The following GRID1 variants were observed in gnomAD, a reference collection of about 807,000 sequenced individuals.
GRID1 encodes glutamate ionotropic receptor delta type subunit 1.
In GRID1, 28 loss-of-function variants were observed where a neutral mutation model predicts 98.0. The observed-to-expected ratio is 0.29, with a 90% CI of 0.21 to 0.39. The LOEUF is 0.39. GRID1 is among the 10% of genes least tolerant of loss of function. The pLI, the probability that GRID1 is intolerant of heterozygous loss-of-function variation, is 1.00. For synonymous variants in GRID1, 553 were observed against 538.5 expected (o/e 1.03, Z -0.37); for missense variants, 1,111 against 1,340.5 (o/e 0.83, Z 2.67).
At chr10:85,890,659 G>A (rs946558049) in intron 5 of GRID1, among the ~76,000 whole-genome samples, 4 of 152,070 alleles carry the variant, frequency 2.6e-5, no homozygotes, top group South Asian at 4.1e-4. Flanking sequence ...GCTCTTCCAC[G>A]GTGAGGTAAA....
At chr10:85,847,902 C>G (rs1450285426) in intron 8 of GRID1, among the ~76,000 whole-genome samples, 1 of 152,070 alleles carries the variant, frequency 6.6e-6, no homozygotes, top group Non-Finnish European at 1.5e-5. Flanking sequence ...CAAAGGCAAA[C>G]TATTTATTGG....
chr10:86,225,437 C>T lies in GRID1; in HGVS notation c.236-18789G>A, dbSNP rs574739996. ...AATATTTATAGCGTTTAAGCATAATCGTATTCAGATGAGGACTATATATTG... is the reference window on the plus strand; with the variant it reads ...AATATTTATAGCGTTTAAGCATAATTGTATTCAGATGAGGACTATATATTG... On this transcript the variant is annotated intron_variant, in intron 2 of 15. Coordinates refer to ENST00000327946, the MANE Select transcript of GRID1 (RefSeq NM_017551.3). Among the ~76,000 whole-genome samples, 5 of 152,302 alleles carry T rather than the reference C, an allele frequency of 3.3e-5. No individual in the cohort carries two copies. The East Asian group carries it at 5.8e-4, about 18-fold the overall frequency.
chr10:86,307,316 T>C lies in GRID1; in HGVS notation c.235+56625A>G, dbSNP rs188261137. ...GCCTAAGTGGCCATCAATGAGCGAA[T>C]GGATAAAGAAAATGTGGTATACATA... On this transcript the variant is annotated intron_variant, in intron 2 of 15. Transcript: ENST00000327946. Among the ~76,000 whole-genome samples, 629 of 152,248 alleles carry C rather than the reference T, an allele frequency of 4.1e-3. 1 individual carries two copies. Among genetic ancestry groups the C allele is most frequent in the Middle Eastern group, 6.8e-3 (2 of 294 alleles).
At chr10:86,093,450 A>G (rs1304820624) in intron 4 of GRID1, among the ~76,000 whole-genome samples, 1 of 152,150 alleles carries the variant, frequency 6.6e-6, no homozygotes, top group Non-Finnish European at 1.5e-5. Flanking sequence ...TAAAATTAAT[A>G]GACCATTAGC....
intron 8 of GRID1, among the ~76,000 whole-genome samples, chr10:85,807,459 G>A (rs1232080598): frequency 2.0e-5 from 3 of 151,962 alleles, no homozygotes; most frequent in Non-Finnish European, 4.4e-5. Context: ...ACGAATATAT[G>A]AAAGATAATC....
At chr10:85,736,146 A>T (rs1056534391) in intron 8 of GRID1, among the ~76,000 whole-genome samples, 1 of 140,140 alleles carries the variant, frequency 7.1e-6, no homozygotes, top group Admixed American at 7.1e-5. Context: ...GGAGAGAAGG[A>T]AGGAAGGAGG....
chr10:85,673,626 C>T (rs1841111995), intron 12 of GRID1, among the ~76,000 whole-genome samples: 1 of 152,170 alleles, frequency 6.6e-6, no homozygotes, highest in Admixed American at 6.5e-5. Flanking sequence ...GGGGTTAGTA[C>T]TTTTGAGCAT....
chr10:86,321,366 C>A (rs1272585858), intron 2 of GRID1, among the ~76,000 whole-genome samples: 1 of 152,098 alleles, frequency 6.6e-6, no homozygotes, highest in Admixed American at 6.5e-5. Flanking sequence ...TCACATTCTG[C>A]CTCTTCCCAA....
At chr10:85,789,071 G>T (rs1842455370) in intron 8 of GRID1, among the ~76,000 whole-genome samples, 1 of 152,166 alleles carries the variant, frequency 6.6e-6, no homozygotes, top group Non-Finnish European at 1.5e-5. Context: ...TCTGTAAACT[G>T]TCAGAAATCC....
intron 15 of GRID1, among the ~76,000 whole-genome samples, chr10:85,610,035 G>A (rs1203323913): frequency 1.3e-5 from 2 of 152,136 alleles, no homozygotes; most frequent in South Asian, 2.1e-4. Flanking sequence ...AAACTGTGAC[G>A]ACATCCTAGA....
chr10:85,902,190 T>C lies in GRID1; in HGVS notation c.780+13996A>G, dbSNP rs1441013091. 7.2e-5 allele frequency among the ~76,000 whole-genome samples: 11 copies of C among 152,328 alleles called. No individual in the cohort carries two copies. In the East Asian group the frequency reaches 1.9e-3, roughly 27 times the overall value. On this transcript the variant is annotated intron_variant, in intron 5 of 15. Coordinates refer to ENST00000327946, the MANE Select transcript of GRID1 (RefSeq NM_017551.3). ...AGTGGATGCCTGAAACTGCAGATAG[T>C]ACCAAACCCTATATATACTATAGTT...
intron 4 of GRID1, among the ~76,000 whole-genome samples, chr10:85,980,375 G>A (rs1468484239): frequency 6.6e-6 from 1 of 152,262 alleles, no homozygotes; most frequent in Non-Finnish European, 1.5e-5. Flanking sequence ...TTATCCTGCA[G>A]TAGGAGTTTT....
At chr10:86,108,642 A>T (rs1218786776) in intron 4 of GRID1, among the ~76,000 whole-genome samples, 1 of 151,618 alleles carries the variant, frequency 6.6e-6, no homozygotes, top group Non-Finnish European at 1.5e-5. Flanking sequence ...CCAGCACCAG[A>T]CTCTGCTCTG....
chr10:85,776,354 C>T (rs1360826861), intron 8 of GRID1, among the ~76,000 whole-genome samples: 1 of 152,134 alleles, frequency 6.6e-6, no homozygotes, highest in Non-Finnish European at 1.5e-5. Flanking sequence ...CTTTCCACAA[C>T]AAAGAACGTA....
intron 4 of GRID1, among the ~76,000 whole-genome samples, chr10:86,096,098 T>A (rs967099676): frequency 6.6e-6 from 1 of 152,094 alleles, no homozygotes; most frequent in South Asian, 2.1e-4. Context: ...AATTCAGAAA[T>A]GGAAAACCAA....
chr10:86,039,998 T>A (rs1299921296), intron 4 of GRID1, among the ~76,000 whole-genome samples: 1 of 151,902 alleles, frequency 6.6e-6, no homozygotes, highest in East Asian at 1.9e-4. Flanking sequence ...GGAGGAGAGG[T>A]CTGAGTCTTT....
At chr10:86,332,749 A>G (rs1848165588) in intron 2 of GRID1, among the ~76,000 whole-genome samples, 1 of 149,880 alleles carries the variant, frequency 6.7e-6, no homozygotes, top group Admixed American at 6.6e-5. Context: ...CATGGTCTAC[A>G]CCGACCTCAC....
chr10:85,789,964 T>A (rs1256806488), intron 8 of GRID1, among the ~76,000 whole-genome samples: 1 of 152,214 alleles, frequency 6.6e-6, no homozygotes, highest in Non-Finnish European at 1.5e-5. Flanking sequence ...GCTCTTGGCA[T>A]CCACACCTGC....
intron 12 of GRID1, among the ~76,000 whole-genome samples, chr10:85,681,719 C>T (rs1439324765): frequency 1.3e-5 from 2 of 152,326 alleles, no homozygotes; most frequent in East Asian, 3.9e-4. Flanking sequence ...TGACACATCA[C>T]TCCAGGTTGT....
Sources: allele counts gnomAD v4.1 joint callset (sites outside exome capture counted in the v4.1 genomes callset), GRCh38; gene constraint gnomAD v4.1.1; transcripts MANE v1.5; gene names NCBI Gene and HGNC (gene_info 2026-07-23, HGNC 2026-07-21).